The following ENPP6 variants were observed in gnomAD, a reference collection of about 807,000 sequenced individuals.
ENPP6 encodes glycerophosphocholine cholinephosphodiesterase ENPP6.
A neutral mutation model predicts 42.0 loss-of-function variants in ENPP6; 32 were observed. The observed-to-expected ratio is 0.76, with a 90% confidence interval of 0.58 to 1.02. The LOEUF (loss-of-function observed/expected upper bound fraction) is 1.02, where lower values mean the gene tolerates loss of function less well. Among genes scored for constraint, ENPP6 ranks in the 50% least tolerant of loss-of-function variants. The pLI is 0.00. For synonymous variants in ENPP6, 213 were observed against 216.0 expected, an observed-to-expected ratio of 0.99 and a Z score of 0.12; for missense variants, 552 against 566.8, an observed-to-expected ratio of 0.97 and a Z score of 0.27.
intron 7 of ENPP6, among the ~76,000 whole-genome samples, chr4:184,092,574 G>T (rs190769920): frequency 1.6e-4 from 24 of 152,344 alleles, no homozygotes; most frequent in African/African-American, 5.3e-4. Flanking sequence ...TCTACAGCGG[G>T]CAGATGAGAG....
intron 1 of ENPP6, among the ~76,000 whole-genome samples, chr4:184,156,046 C>CAG (rs1329795559): frequency 6.6e-6 from 1 of 152,106 alleles, no homozygotes; most frequent in Admixed American, 6.6e-5. Flanking sequence ...CAGAGAGAGA[C>CAG]AGAGAGAGAG....
At chr4:184,185,160 A>T (rs774502177) in intron 1 of ENPP6, among the ~76,000 whole-genome samples, 1 of 152,224 alleles carries the variant, frequency 6.6e-6, no homozygotes, top group Non-Finnish European at 1.5e-5. Context: ...AACACAGAAC[A>T]TCCCTGTCTT....
At chr4:184,214,706 T>C (rs1374110086) in intron 1 of ENPP6, among the ~76,000 whole-genome samples, 2 of 152,220 alleles carry the variant, frequency 1.3e-5, no homozygotes, top group African/African-American at 4.8e-5. Context: ...CTAGAAGCCA[T>C]CATTTTCAGC....
At chr4:184,177,740 T>TG (rs1355801173) in intron 1 of ENPP6, among the ~76,000 whole-genome samples, 1 of 152,092 alleles carries the variant, frequency 6.6e-6, no homozygotes, top group Non-Finnish European at 1.5e-5. Flanking sequence ...GAATGGAGTC[T>TG]GGAGTGGATG....
At chr4:184,168,660 G>T (rs1361451707) in intron 1 of ENPP6, among the ~76,000 whole-genome samples, 1 of 152,250 alleles carries the variant, frequency 6.6e-6, no homozygotes, top group Admixed American at 6.5e-5. Flanking sequence ...GCCGAGAGGC[G>T]CCAGGCTGGG....
chr4:184,112,777 CAT>C lies in ENPP6; in HGVS notation c.886_887del (p.Met296AspfsTer28), dbSNP rs1736225541. 3.7e-6 allele frequency: 6 copies of C among 1,614,056 alleles called. No homozygotes were observed. Among genetic ancestry groups the C allele is most frequent in the Non-Finnish European group, 5.1e-6 (6 of 1,180,016 alleles). On this transcript the variant is annotated frameshift_variant, in exon 6 of 8. Coordinates refer to ENST00000296741, the MANE Select transcript of ENPP6 (RefSeq NM_153343.4). LOFTEE classifies it high-confidence loss of function. The part of the protein sequence containing the change: ...IYNKLSTVEH[M>X]TVYEKEAIPS... ...GGATGGCTTCTTTCTCGTAGACAGTCATGTGTTCCACTGTGCTCAGTTTGTTA... is the reference window on the plus strand; with the variant it reads ...GGATGGCTTCTTTCTCGTAGACAGTCGTGTTCCACTGTGCTCAGTTTGTTA...
At chr4:184,166,959 C>G (rs933276793) in intron 1 of ENPP6, among the ~76,000 whole-genome samples, 1 of 152,236 alleles carries the variant, frequency 6.6e-6, no homozygotes, top group Non-Finnish European at 1.5e-5. Context: ...CCTTTTATGT[C>G]TCTTTCCGTG....
intron 2 of ENPP6, among the ~76,000 whole-genome samples, chr4:184,146,438 A>AG (rs1028850116): frequency 4.7e-5 from 7 of 150,234 alleles, no homozygotes; most frequent in African/African-American, 1.5e-4. Context: ...TCAAAAAAAA[A>AG]AAAGAAAGAA....
At chr4:184,214,513 G>T (rs935340421) in intron 1 of ENPP6, among the ~76,000 whole-genome samples, 1 of 152,058 alleles carries the variant, frequency 6.6e-6, no homozygotes, top group African/African-American at 2.4e-5. Flanking sequence ...CTACACGAAG[G>T]CCTCCTAGGA....
At chr4:184,153,248 C>A (rs1353248323) in intron 2 of ENPP6, among the ~76,000 whole-genome samples, 1 of 151,832 alleles carries the variant, frequency 6.6e-6, no homozygotes, top group Non-Finnish European at 1.5e-5. Context: ...GTCTCAGCCT[C>A]CCGAGTAGCT....
At chr4:184,173,025 T>A (rs1737495051) in intron 1 of ENPP6, among the ~76,000 whole-genome samples, 1 of 152,176 alleles carries the variant, frequency 6.6e-6, no homozygotes, top group Non-Finnish European at 1.5e-5. Context: ...TGCCTCAGCC[T>A]CCTGAGTGGC....
At chr4:184,151,033 T>G (rs890230197) in intron 2 of ENPP6, among the ~76,000 whole-genome samples, 2 of 152,226 alleles carry the variant, frequency 1.3e-5, no homozygotes, top group Admixed American at 1.3e-4. Flanking sequence ...TATATAAATT[T>G]GTATTCTCCA....
chr4:184,134,709 G>A (rs1475548666), intron 2 of ENPP6, among the ~76,000 whole-genome samples: 1 of 150,794 alleles, frequency 6.6e-6, no homozygotes, highest in African/African-American at 2.4e-5. Context: ...TTTCTTTGTT[G>A]TATGTTTATT....
intron 6 of ENPP6, among the ~76,000 whole-genome samples, chr4:184,111,283 G>C (rs900857010): frequency 1.3e-5 from 2 of 152,194 alleles, no homozygotes; most frequent in Admixed American, 1.3e-4. Flanking sequence ...GGGCATATTT[G>C]CTTTTAAAAA....
At chr4:184,128,242 A>G (rs570478832) in intron 2 of ENPP6, among the ~76,000 whole-genome samples, 52 of 152,294 alleles carry the variant, frequency 3.4e-4, no homozygotes, top group African/African-American at 1.3e-3. Context: ...GTGCAGTGGC[A>G]CGATCTCGGG....
At chr4:184,113,908 T>C (rs1209536304) in intron 5 of ENPP6, among the ~76,000 whole-genome samples, 2 of 104,148 alleles carry the variant, frequency 1.9e-5, no homozygotes, top group Non-Finnish European at 4.1e-5. Flanking sequence ...CTTTTCTTTC[T>C]TTCTTTCTTT....
chr4:184,200,618 G>A (rs994043671), intron 1 of ENPP6, among the ~76,000 whole-genome samples: 1 of 152,232 alleles, frequency 6.6e-6, no homozygotes, highest in South Asian at 2.1e-4. Context: ...ATGATGTAAT[G>A]TATCCAAGTC....
At chr4:184,114,782 A>G (rs868751991) in intron 5 of ENPP6, among the ~76,000 whole-genome samples, 68 of 151,758 alleles carry the variant, frequency 4.5e-4, no homozygotes, top group African/African-American at 1.5e-3. Flanking sequence ...AAAAAAAAAG[A>G]AAAAAAGAAA....
At chr4:184,157,519 TTTTC>T (rs1277117272) in intron 1 of ENPP6, among the ~76,000 whole-genome samples, 6 of 151,344 alleles carry the variant, frequency 4.0e-5, no homozygotes, top group Non-Finnish European at 7.4e-5. Context: ...TTCTCTTTCT[TTTTC>T]TTTCTTTCTC....
Sources: gnomAD v4.1 joint callset for allele counts (sites outside exome capture counted in the v4.1 genomes callset) on GRCh38, gnomAD v4.1.1 for gene constraint, MANE v1.5 for transcripts, NCBI Gene and HGNC (gene_info 2026-07-23, HGNC 2026-07-21) for gene names.